CNBD1: variants seen among roughly 807,000 people sequenced by gnomAD.
CNBD1 encodes the protein cyclic nucleotide binding domain containing 1.
Under a neutral mutation model 54.4 loss-of-function variants are expected in CNBD1, and 71 were observed. The ratio of observed to expected loss-of-function variants is 1.30; its 90% CI spans 1.08 to 1.59. The LOEUF is 1.59. CNBD1 is among the 40% of genes most tolerant of loss of function. The probability of loss-of-function intolerance (pLI) is 0.00; values close to 1 mark genes in which losing one functional copy is unlikely to be tolerated. For missense variants in CNBD1, 659 were observed against 518.0 expected (o/e 1.27, Z -2.64); for synonymous variants, 182 against 170.7 (o/e 1.07, Z -0.51).
At chr8:87,421,003 C>A (rs1807924635) in intron 2 of CNBD1, among the ~76,000 whole-genome samples, 1 of 151,888 alleles carries the variant, frequency 6.6e-6, no homozygotes, top group South Asian at 2.1e-4. Context: ...AAGATAAAAT[C>A]AAGAATCAAA....
intron 2 of CNBD1, among the ~76,000 whole-genome samples, chr8:87,414,936 A>G (rs1469196254): frequency 6.6e-6 from 1 of 152,052 alleles, no homozygotes; most frequent in Non-Finnish European, 1.5e-5. Flanking sequence ...TCTGACCTGG[A>G]ACTGTTATTC....
In CNBD1 at chr8:87,243,039, A is replaced by G. The variant is rs537463054; in HGVS notation, c.771+5927A>G. Among the ~76,000 whole-genome samples, 8 of 152,326 alleles carry G rather than the reference A, an allele frequency of 5.3e-5. No individual in the cohort carries two copies. The South Asian group carries it at 1.2e-3, about 24-fold the overall frequency. On this transcript the variant is annotated intron_variant, in intron 6 of 10. Transcript: ENST00000518476. ...TAAAGTTATTTTGAACAAATTAATCACTAAACCATCAAATCCTAACTTTTC... is the reference window on the plus strand; with the variant it reads ...TAAAGTTATTTTGAACAAATTAATCGCTAAACCATCAAATCCTAACTTTTC...
chr8:87,104,591 A>C (rs1244492438), intron 4 of CNBD1, among the ~76,000 whole-genome samples: 1 of 152,180 alleles, frequency 6.6e-6, no homozygotes, highest in Non-Finnish European at 1.5e-5. Context: ...TTCCAAAGAA[A>C]AGAGGCTTTT....
rs778840731 is a variant in CNBD1, at chr8:87,256,560, GT to G, written c.771+19451del. On this transcript the variant is annotated intron_variant, in intron 6 of 10. Transcript: ENST00000518476. The stretch of plus-strand genomic sequence containing the variant: ...AGAAGGTGTTCCACAATTGCCAGTA[GT>G]TTATTTCTTCTTCAACAAATCCATC... Among the ~76,000 whole-genome samples, 44 of 151,708 alleles carry G rather than the reference GT, an allele frequency of 2.9e-4. 1 individual carries two copies. Among genetic ancestry groups the G allele is most frequent in the Non-Finnish European group, 3.4e-4 (23 of 67,960 alleles).
intron 4 of CNBD1, among the ~76,000 whole-genome samples, chr8:87,095,327 A>G (rs1388949481): frequency 6.6e-6 from 1 of 152,204 alleles, no homozygotes; most frequent in East Asian, 1.9e-4. Flanking sequence ...AATACACTTG[A>G]CAGCCTTTAT....
At chr8:87,180,605 A>T (rs966777177) in intron 4 of CNBD1, among the ~76,000 whole-genome samples, 1 of 152,188 alleles carries the variant, frequency 6.6e-6, no homozygotes, top group Non-Finnish European at 1.5e-5. Context: ...ATATTAAAGA[A>T]TATATAATTT....
intron 2 of CNBD1, among the ~76,000 whole-genome samples, chr8:87,388,018 C>T (rs951273447): frequency 3.9e-5 from 6 of 152,042 alleles, no homozygotes; most frequent in African/African-American, 1.2e-4. Flanking sequence ...GGGTACATAA[C>T]GAAATGAAGG....
chr8:87,198,414 G>A lies in CNBD1; in HGVS notation c.432-7579G>A, dbSNP rs185681846. On this transcript the variant is annotated intron_variant, in intron 4 of 10. Transcript: ENST00000518476. ...CCAGAGTTCCCCTATTATATTATTC[G>A]AAATGTTTAGTTTTCAACAAAAATT... is the stretch of plus-strand genomic sequence containing the variant. 3.9e-3 allele frequency among the ~76,000 whole-genome samples: 593 copies of A among 152,182 alleles called. 3 individuals carry two copies. The highest frequency in any genetic ancestry group is 5.8e-3 in the Non-Finnish European group (394 of 68,000).
At chr8:87,340,007 T>C (rs768255555) in intron 8 of CNBD1, among the ~76,000 whole-genome samples, 4 of 152,204 alleles carry the variant, frequency 2.6e-5, no homozygotes, top group Non-Finnish European at 4.4e-5. Context: ...TGCTTTCATG[T>C]TGTGGTTTAG....
At chr8:87,120,662 C>G (rs1701180668) in intron 4 of CNBD1, among the ~76,000 whole-genome samples, 1 of 151,546 alleles carries the variant, frequency 6.6e-6, no homozygotes, top group Non-Finnish European at 1.5e-5. Context: ...TTCGTTTGCC[C>G]CAATCTTTTT....
At chr8:87,421,903 T>A (rs1807946196) in intron 2 of CNBD1, among the ~76,000 whole-genome samples, 1 of 146,840 alleles carries the variant, frequency 6.8e-6, no homozygotes, top group East Asian at 2.0e-4. Context: ...AGTGTAAAAG[T>A]GTTCCTATTT....
Position 87,333,300 on chromosome 8 carries a change from T to C in CNBD1, c.1043-18385T>C, listed in dbSNP as rs371126347. 4.6e-5 allele frequency among the ~76,000 whole-genome samples: 7 copies of C among 152,286 alleles called. No homozygotes were observed. The East Asian group carries it at 7.7e-4, about 17-fold the overall frequency. On this transcript the variant is annotated intron_variant, in intron 8 of 10. Coordinates refer to ENST00000518476, the MANE Select transcript of CNBD1 (RefSeq NM_173538.3). ...GAGACAATGGATGTTTTTCTAAATA[T>C]ACTATCATGTTGTCTGCAAACAGAG...
chr8:87,423,637 TG>T (rs1286745281), intron 2 of CNBD1, among the ~76,000 whole-genome samples: 2 of 147,394 alleles, frequency 1.4e-5, no homozygotes, highest in Non-Finnish European at 3.0e-5. Context: ...CACTTGATCA[TG>T]GTGGATAAGC....
chr8:86,941,457 T>C (rs1809655646), intron 4 of CNBD1, among the ~76,000 whole-genome samples: 1 of 152,198 alleles, frequency 6.6e-6, no homozygotes, highest in African/African-American at 2.4e-5. Flanking sequence ...CAGAAACCCA[T>C]GAATCACTCT....
At chr8:87,237,167 A>T in intron 6 of CNBD1, 55 bp downstream of exon 6, 4 of 1,088,814 alleles carry the variant, frequency 3.7e-6, no homozygotes, top group Non-Finnish European at 5.3e-6. Flanking sequence ...GGCTTTTGTA[A>T]AACTTTATCT....
In CNBD1 at chr8:87,092,634, G is replaced by T. The variant is rs146998126; in HGVS notation, c.432-113359G>T. The stretch of plus-strand genomic sequence containing the variant: ...TTTGCTGTTCATTTTTATCTTCTCT[G>T]TTGGCTCCTCTTCCTGTATCTGACT... On this transcript the variant is annotated intron_variant, in intron 4 of 10. Transcript: ENST00000518476. Among the ~76,000 whole-genome samples, 203 of 150,736 alleles carry T rather than the reference G, an allele frequency of 1.3e-3. 1 individual carries two copies. Among genetic ancestry groups the T allele is most frequent in the African/African-American group, 4.7e-3 (192 of 40,930 alleles).
chr8:87,214,550 G>A lies in CNBD1; in HGVS notation c.577+8412G>A, dbSNP rs546991151. On this transcript the variant is annotated intron_variant, in intron 5 of 10. Transcript: ENST00000518476. ...GTTTCAAAATCTTTTCCACATTTTC[G>A]GGTATCTTTACAACAGCACCCCACT... Among the ~76,000 whole-genome samples, 11 of 151,930 alleles carry A rather than the reference G, an allele frequency of 7.2e-5. No individual in the cohort carries two copies. In the South Asian group the frequency reaches 1.9e-3, roughly 26 times the overall value.
intron 8 of CNBD1, among the ~76,000 whole-genome samples, chr8:87,312,673 A>AT (rs1287465853): frequency 6.6e-6 from 1 of 152,012 alleles, no homozygotes; most frequent in East Asian, 1.9e-4. Flanking sequence ...TCATATATTG[A>AT]TTTTTTAGCT....
Position 86,934,419 on chromosome 8 carries a change from T to C in CNBD1, c.273-5177T>C, listed in dbSNP as rs1318701145. On this transcript the variant is annotated intron_variant, in intron 3 of 10. Coordinates refer to ENST00000518476, the MANE Select transcript of CNBD1 (RefSeq NM_173538.3). ...TCTGTGGATTCTTTTGGATATTCCA[T>C]ATATAAGATCACGTCATCTGCAAAA... 2.0e-5 allele frequency among the ~76,000 whole-genome samples: 3 copies of C among 152,286 alleles called. No individual in the cohort carries two copies. The East Asian group carries it at 5.8e-4, about 29-fold the overall frequency.
Sources: gnomAD v4.1 joint callset for allele counts (sites outside exome capture counted in the v4.1 genomes callset) on GRCh38, gnomAD v4.1.1 for gene constraint, MANE v1.5 for transcripts, NCBI Gene and HGNC (gene_info 2026-07-23, HGNC 2026-07-21) for gene names.